NCOR2: variants seen among roughly 807,000 people sequenced by gnomAD.
NCOR2 encodes the protein nuclear receptor corepressor 2, also known as CTG repeat protein 26.
A neutral mutation model predicts 262.9 loss-of-function variants in NCOR2; 81 were observed. The ratio of observed to expected loss-of-function variants is 0.31; its 90% CI spans 0.26 to 0.37. The LOEUF (loss-of-function observed/expected upper bound fraction) is 0.37. Ranked by LOEUF, NCOR2 falls within the 10% of genes least tolerant of loss-of-function variation. NCOR2 has a pLI of 1.00. For synonymous variants in NCOR2, 1,659 were observed against 1,559.3 expected, an observed-to-expected ratio of 1.06 and a Z score of -1.51; for missense variants, 3,385 against 3,621.4, an observed-to-expected ratio of 0.93 and a Z score of 1.68.
intron 1 of NCOR2, among the ~76,000 whole-genome samples, chr12:124,533,153 C>T (rs1295522453): frequency 2.0e-5 from 3 of 151,088 alleles, no homozygotes; most frequent in African/African-American, 7.3e-5. Context: ...GGGCTTAGGG[C>T]CCAAGGCCCA....
intron 4 of NCOR2, among the ~76,000 whole-genome samples, chr12:124,467,537 C>T (rs376793897): frequency 7.9e-3 from 86 of 10,924 alleles, no homozygotes; most frequent in East Asian, 0.012. Flanking sequence ...ACCCCCATCA[C>T]CCTCATCCTC....
At chr12:124,354,292 G>A in intron 26 of NCOR2, 96 bp from the exon 29 acceptor site, 1 of 1,307,216 alleles carries the variant, frequency 7.6e-7, no homozygotes, top group Non-Finnish European at 1.1e-6. Flanking sequence ...AGACCCACAA[G>A]TTGTGCTAGT....
chr12:124,421,203 C>T lies in NCOR2; in HGVS notation c.1384-1148G>A, dbSNP rs377022908. On this transcript the variant is annotated intron_variant, in intron 12 of 46. Transcript: ENST00000405201. ...ACTGTCAAGACCTGACTGTCCCCGC[C>T]GGCCTCTCCGTTGGCAGCTCCTGCT... Among the ~76,000 whole-genome samples the T allele has an allele frequency of 2.0e-4, 31 of 152,372 alleles. 1 individual carries two copies. In the South Asian group the frequency reaches 5.8e-3, roughly 29 times the overall value.
chr12:124,445,058 G>A (rs563625955), intron 7 of NCOR2, among the ~76,000 whole-genome samples: 22 of 152,274 alleles, frequency 1.4e-4, no homozygotes, highest in Non-Finnish European at 2.9e-4. Context: ...CCCCAAATGA[G>A]GCAGCAGGAG....
rs1015903682 is a variant in NCOR2, at chr12:124,348,406, C to T, written c.3845-92G>A. ...GACAGGCAGAGCCGGTAGGCAGGAG[C>T]CAGCAGTGCTTCCATGCTGGCCCCG... is the stretch of plus-strand genomic sequence containing the variant. On this transcript the variant is annotated intron_variant, in intron 28 of 46. Coordinates refer to ENST00000405201, the Ensembl canonical transcript of NCOR2. 4.1e-6 allele frequency: 6 copies of T among 1,471,320 alleles called. No homozygotes were observed. The African/African-American group carries it at 8.5e-5, about 21-fold the overall frequency. 91.1% of individuals were successfully genotyped at this position (1,471,320 alleles called of 1,614,324 possible).
intron 20 of NCOR2, among the ~76,000 whole-genome samples, chr12:124,369,238 T>C (rs1291776449): frequency 5.9e-5 from 9 of 152,114 alleles, no homozygotes; most frequent in Admixed American, 5.9e-4. Flanking sequence ...GGTTTTGCAA[T>C]TGAAGCCACT....
intron 13 of NCOR2, among the ~76,000 whole-genome samples, chr12:124,404,485 C>T (rs1272102203): frequency 1.3e-5 from 2 of 152,266 alleles, no homozygotes; most frequent in Admixed American, 6.5e-5. Flanking sequence ...AGCCCCTGCA[C>T]CTAGGCTGGT....
chr12:124,521,041 G>T (rs919159146), intron 1 of NCOR2, among the ~76,000 whole-genome samples: 2 of 152,198 alleles, frequency 1.3e-5, no homozygotes, highest in African/African-American at 4.8e-5. Flanking sequence ...GCTGGCGAAT[G>T]GGGGAGCTCC....
chr12:124,550,342 G>C (rs1413734695), intron 1 of NCOR2, among the ~76,000 whole-genome samples: 1 of 151,788 alleles, frequency 6.6e-6, no homozygotes, highest in Non-Finnish European at 1.5e-5. Flanking sequence ...AAGGAAGGCA[G>C]AGGCGGGACC....
intron 2 of NCOR2, among the ~76,000 whole-genome samples, chr12:124,485,223 T>C (rs1447908764): frequency 6.6e-6 from 1 of 152,228 alleles, no homozygotes; most frequent in African/African-American, 2.4e-5. Flanking sequence ...GCACAGCCAC[T>C]GGAACCTCAA....
chr12:124,479,504 TACACACGCACATGCGCGCACACGC>T (rs1565981705), intron 3 of NCOR2, among the ~76,000 whole-genome samples: 1 of 134,484 alleles, frequency 7.4e-6, no homozygotes, highest in Non-Finnish European at 1.6e-5. Context: ...CATGCGCGCA[TACACACGCACATGCGCGCACACGC>T]ACACACACAC....
chr12:124,501,934 G>A (rs1015239660), intron 1 of NCOR2, among the ~76,000 whole-genome samples: 2 of 152,238 alleles, frequency 1.3e-5, no homozygotes, highest in Admixed American at 6.5e-5. Flanking sequence ...GGCCCGGGGG[G>A]AACTCTGGGA....
At chr12:124,512,802 T>C (rs112506003) in intron 1 of NCOR2, among the ~76,000 whole-genome samples, 3,793 of 152,124 alleles carry the variant, frequency 0.025, 146 homozygotes, top group African/African-American at 0.086. Flanking sequence ...AGCCGCTGGG[T>C]ATTGGCCTCC....
chr12:124,342,638 G>A (rs1259773869), intron 33 of NCOR2, among the ~76,000 whole-genome samples: 5 of 152,200 alleles, frequency 3.3e-5, no homozygotes, highest in Non-Finnish European at 7.3e-5. Flanking sequence ...AAAGTGCTGG[G>A]ATTACAGGTG....
Position 124,466,946 on chromosome 12 carries a change from CA to C in NCOR2, c.592-661del, listed in dbSNP as rs1228556286. 1.2e-4 allele frequency among the ~76,000 whole-genome samples: 18 copies of C among 151,850 alleles called. No individual in the cohort carries two copies. The East Asian group carries it at 3.1e-3, about 26-fold the overall frequency. On this transcript the variant is annotated intron_variant, in intron 4 of 46. Transcript: ENST00000405201. ...CACCTGACACACAGGTGCTCCTCAT[CA>C]ACCCCATCATCCTCATCCTCATCAC...
At chr12:124,391,121 C>T (rs111804006) in intron 16 of NCOR2, among the ~76,000 whole-genome samples, 8,174 of 152,324 alleles carry the variant, frequency 0.054, 748 homozygotes, top group African/African-American at 0.19. Flanking sequence ...TGCTGCCGCT[C>T]AGATGCCTCC....
chr12:124,452,059 G>C (rs1177147986), intron 6 of NCOR2, among the ~76,000 whole-genome samples: 1 of 152,218 alleles, frequency 6.6e-6, no homozygotes, highest in African/African-American at 2.4e-5. Flanking sequence ...CCCGTGCCGG[G>C]TCAGGCTCCC....
chr12:124,511,469 G>A (rs1426266075), intron 1 of NCOR2, among the ~76,000 whole-genome samples: 1 of 152,246 alleles, frequency 6.6e-6, no homozygotes, highest in African/African-American at 2.4e-5. Context: ...GCTGGGGGAT[G>A]AGTGCAACCC....
chr12:124,340,279 G>A lies in NCOR2; in HGVS notation c.5488+15C>T, dbSNP rs762550070. 2 of 1,608,828 alleles carry A rather than the reference G, an allele frequency of 1.2e-6. No individual in the cohort carries two copies. The highest frequency in any genetic ancestry group is 2.2e-5 in the South Asian group (2 of 90,940). ...AGGAGTCCCGGAGCGGGGGGTGGGG[G>A]CTCTGATGCCCTACCAGGTCTCCAG... On this transcript the variant is annotated intron_variant, in intron 36 of 46. Transcript: ENST00000405201.
Sources: allele counts gnomAD v4.1 joint callset (sites outside exome capture counted in the v4.1 genomes callset), GRCh38; gene constraint gnomAD v4.1.1; transcripts MANE v1.5; gene names NCBI Gene and HGNC (gene_info 2026-07-23, HGNC 2026-07-21).